The following CSMD2 variants were observed in gnomAD, a reference collection of about 807,000 sequenced individuals.
CSMD2 encodes CUB and Sushi multiple domains 2.
CSMD2 carries 130 observed loss-of-function variants against 398.5 expected under a neutral mutation model. The observed-to-expected ratio is 0.33, with a 90% CI of 0.28 to 0.38. The LOEUF (loss-of-function observed/expected upper bound fraction) is 0.38. CSMD2 is among the 10% of genes least tolerant of loss of function. CSMD2 has a pLI of 1.00. For synonymous variants in CSMD2, 1,828 were observed against 1,908.5 expected (o/e 0.96, Z 1.10); for missense variants, 3,829 against 4,764.9 (o/e 0.80, Z 5.78).
Position 33,624,964 on chromosome 1 carries a change from G to T in CSMD2, c.5500+87C>A. The T allele has an allele frequency of 7.5e-7, 1 of 1,334,870 alleles. No individual in the cohort carries two copies. Among genetic ancestry groups the T allele is most frequent in the Non-Finnish European group, 1.1e-6 (1 of 936,458 alleles). The allele number at this position is 1,334,870 out of a possible 1,614,324, so 82.7% of individuals were successfully genotyped here. A position where few individuals can be genotyped will look rare whatever the true frequency, so the allele number is the denominator to read the frequency against. On this transcript the variant is annotated intron_variant, in intron 34 of 70. Transcript: ENST00000373381. This position sits in a 1 kb window ranked among gnomAD's most constrained non-coding sequence, Gnocchi z 4.7. ...GGAAGCGGCTGCTGTGTGTCGTGGG[G>T]CATCACTGGGGCTGACTGCCTCCCC...
intron 4 of CSMD2, among the ~76,000 whole-genome samples, chr1:33,921,952 G>A (rs984166291): frequency 1.3e-5 from 2 of 152,138 alleles, no homozygotes; most frequent in African/African-American, 4.8e-5. Context: ...TAGGCAGGGA[G>A]GAAAGAGAAG....
Position 33,624,386 on chromosome 1 carries a change from G to C in CSMD2, c.5625+133C>G, listed in dbSNP as rs911019599. ...CTCCTTAGCCGCAGGGGCAGGTACA[G>C]GGCTGATATGTCTCTTCCTGGCTCA... On this transcript the variant is annotated intron_variant, in intron 35 of 70. Coordinates refer to ENST00000373381, the MANE Select transcript of CSMD2 (RefSeq NM_001281956.2). The surrounding 1 kb of genome is among the most constrained non-coding windows in gnomAD (Gnocchi z 4.7). 8.6e-7 allele frequency: 1 copy of C among 1,156,666 alleles called. No individual in the cohort carries two copies. The highest frequency in any genetic ancestry group is 1.5e-5 in the African/African-American group (1 of 65,522). The allele number at this position is 1,156,666 out of a possible 1,614,324, so 71.7% of individuals were successfully genotyped here. A position where few individuals can be genotyped will look rare whatever the true frequency, so the allele number is the denominator to read the frequency against.
At chr1:33,992,363 T>C (rs1295835630) in intron 3 of CSMD2, among the ~76,000 whole-genome samples, 2 of 152,184 alleles carry the variant, frequency 1.3e-5, no homozygotes, top group East Asian at 2.0e-4. Flanking sequence ...AGGCTCACCA[T>C]GCCCTTCTAC....
intron 3 of CSMD2, among the ~76,000 whole-genome samples, chr1:34,016,408 G>C (rs1448947306): frequency 1.3e-5 from 2 of 152,004 alleles, no homozygotes; most frequent in Non-Finnish European, 2.9e-5. Context: ...TGCGGTGTTG[G>C]TTTTCTGTTC....
chr1:33,747,730 A>C (rs958562531), intron 13 of CSMD2, among the ~76,000 whole-genome samples: 3 of 152,204 alleles, frequency 2.0e-5, no homozygotes, highest in African/African-American at 4.8e-5. Context: ...GTGACTCTGA[A>C]TACTCAAAAG....
At chr1:33,670,528 T>TA in intron 25 of CSMD2, among the ~76,000 whole-genome samples, 1 of 152,322 alleles carries the variant, frequency 6.6e-6, no homozygotes, top group East Asian at 1.9e-4. Flanking sequence ...CATCCACATC[T>TA]AGCCCCTCGG....
intron 5 of CSMD2, among the ~76,000 whole-genome samples, chr1:33,854,103 C>T (rs1638905015): frequency 2.0e-5 from 3 of 152,218 alleles, no homozygotes; most frequent in Admixed American, 2.0e-4. Context: ...TTAGCTACTT[C>T]CTACTCATCG....
In CSMD2 at chr1:33,625,206, C is replaced by A. The variant is rs150609588; in HGVS notation, c.5345G>T (p.Arg1782Leu). The A allele has an allele frequency of 1.2e-6, 2 of 1,613,554 alleles. No homozygotes were observed. Among genetic ancestry groups the A allele is most frequent in the Admixed American group, 1.7e-5 (1 of 59,952 alleles). The change falls in exon 34 of 71, where the codon CGC (arginine) becomes CTC (leucine). Residue 1782 changes from arginine (R) to leucine (L), a missense_variant. Physicochemically the swap from Arg to Leu is moderately radical, Grantham distance 102. Transcript: ENST00000373381. ...ATQCSSVPEP[R>L]YGKRLGSDFS... is the part of the protein sequence containing the mutation. ...GTCACTGCCCAGCCTCTTGCCATAG[C>A]GGGGTTCCGGCACAGAGCTGCACTG...
rs557337525 is a variant in CSMD2, at chr1:33,752,298, G to A, written c.1847-8692C>T. On this transcript the variant is annotated intron_variant, in intron 13 of 70. Coordinates refer to ENST00000373381, the MANE Select transcript of CSMD2 (RefSeq NM_001281956.2). ...GCAGATCCCTCTTGAATGGCTTAGC[G>A]CCATCCCCTTGGTGATGAGTGAATT... 3.9e-4 allele frequency among the ~76,000 whole-genome samples: 60 copies of A among 152,312 alleles called. 1 individual carries two copies. Among genetic ancestry groups the A allele is most frequent in the Middle Eastern group, 3.4e-3 (1 of 294 alleles).
At chr1:33,952,115 G>C (rs1459710261) in intron 3 of CSMD2, among the ~76,000 whole-genome samples, 1 of 152,210 alleles carries the variant, frequency 6.6e-6, no homozygotes, top group Non-Finnish European at 1.5e-5. Flanking sequence ...GAGCAGTTAA[G>C]GGCTGAGTCC....
At chr1:33,782,809 T>G (rs113596517) in intron 12 of CSMD2, among the ~76,000 whole-genome samples, 14 of 152,330 alleles carry the variant, frequency 9.2e-5, no homozygotes, top group African/African-American at 2.9e-4. Context: ...GTGGAATTAT[T>G]ATTATGGAGA....
At chr1:33,914,760 G>A (rs1225201939) in intron 5 of CSMD2, among the ~76,000 whole-genome samples, 1 of 152,190 alleles carries the variant, frequency 6.6e-6, no homozygotes, top group Non-Finnish European at 1.5e-5. Context: ...GGCACATACT[G>A]TTATTTATGT....
chr1:33,866,781 G>A (rs943265782), intron 5 of CSMD2, among the ~76,000 whole-genome samples: 5 of 152,248 alleles, frequency 3.3e-5, no homozygotes. Flanking sequence ...TTCACTTGAT[G>A]CCATGATATG....
intron 28 of CSMD2, among the ~76,000 whole-genome samples, chr1:33,648,558 G>T (rs1643586476): frequency 6.6e-6 from 1 of 152,196 alleles, no homozygotes; most frequent in Non-Finnish European, 1.5e-5. Flanking sequence ...AAAGGTCAAG[G>T]TAATGGGTTT....
At chr1:33,625,014 C>T (rs754737361) in intron 34 of CSMD2, 37 bp downstream of exon 34, 2 of 1,601,062 alleles carry the variant, frequency 1.2e-6, no homozygotes, top group South Asian at 1.1e-5. Context: ...TACGTGCCGC[C>T]CCCCGCACCC....
chr1:33,869,642 G>A (rs1640303155), intron 5 of CSMD2, among the ~76,000 whole-genome samples: 1 of 152,170 alleles, frequency 6.6e-6, no homozygotes, highest in African/African-American at 2.4e-5. Context: ...AAAGTTCCCA[G>A]GTGATACTGA....
chr1:33,665,089 T>C (rs1644265143), intron 25 of CSMD2, among the ~76,000 whole-genome samples: 1 of 152,242 alleles, frequency 6.6e-6, no homozygotes, highest in African/African-American at 2.4e-5. Flanking sequence ...ACATATTTAC[T>C]GGGCATTTGT....
chr1:33,758,603 T>C (rs1372260998), intron 13 of CSMD2, among the ~76,000 whole-genome samples: 1 of 152,228 alleles, frequency 6.6e-6, no homozygotes, highest in African/African-American at 2.4e-5. Context: ...GGGTGCCAGA[T>C]AATCAACAAA....
intron 6 of CSMD2, among the ~76,000 whole-genome samples, chr1:33,826,639 A>T (rs563587944): frequency 6.6e-6 from 1 of 152,224 alleles, no homozygotes; most frequent in African/African-American, 2.4e-5. Context: ...AGTCCAGCCT[A>T]GTCCTCAGTT....
Sources: gnomAD v4.1 joint callset for allele counts (sites outside exome capture counted in the v4.1 genomes callset) on GRCh38, gnomAD v4.1.1 for gene constraint, Gnocchi (gnomAD v3.1) non-coding constraint, MANE v1.5 for transcripts, NCBI Gene and HGNC (gene_info 2026-07-23, HGNC 2026-07-21) for gene names.